Variants in CFTR observed in about 807,000 individuals in gnomAD.
CFTR encodes cystic fibrosis transmembrane conductance regulator.
In CFTR, 181 loss-of-function variants were observed where a neutral mutation model predicts 171.6. The observed-to-expected ratio is 1.05, with a 90% CI of 0.93 to 1.19. The LOEUF (loss-of-function observed/expected upper bound fraction) is 1.19. CFTR is among the 50% of genes most tolerant of loss of function. The pLI is 0.00. For missense variants in CFTR, 1,968 were observed against 1,734.7 expected (o/e 1.13, Z -2.39); for synonymous variants, 583 against 608.0 (o/e 0.96, Z 0.60).
At chr7:117,620,089 C>T (rs1489939510) in intron 21 of CFTR, among the ~76,000 whole-genome samples, 5 of 150,768 alleles carry the variant, frequency 3.3e-5, no homozygotes, top group African/African-American at 4.9e-5. Context: ...TTTTTTTGGT[C>T]TCCTTTTAAT....
At chr7:117,496,191 T>C (rs1282422462) in intron 1 of CFTR, among the ~76,000 whole-genome samples, 1 of 152,148 alleles carries the variant, frequency 6.6e-6, no homozygotes, top group Admixed American at 6.6e-5. Context: ...TTGTAGCGTG[T>C]ATCAGTGCAT....
At chr7:117,579,614 CAAAG>C (rs1323961469) in intron 11 of CFTR, among the ~76,000 whole-genome samples, 1 of 147,456 alleles carries the variant, frequency 6.8e-6, no homozygotes, top group African/African-American at 2.5e-5. Context: ...ACTAAATGAC[CAAAG>C]AGAGTCAAGA....
intron 24 of CFTR, among the ~76,000 whole-genome samples, chr7:117,660,955 C>G (rs1793269741): frequency 6.6e-6 from 1 of 152,108 alleles, no homozygotes; most frequent in Non-Finnish European, 1.5e-5. Flanking sequence ...ATTTAATAAA[C>G]TCTCATTAAG....
At chr7:117,657,474 A>C (rs564382895) in intron 24 of CFTR, among the ~76,000 whole-genome samples, 44 of 152,326 alleles carry the variant, frequency 2.9e-4, no homozygotes, top group Admixed American at 9.2e-4. Flanking sequence ...TGCTAGCAGC[A>C]TACAAACAAA....
chr7:117,613,339 A>G (rs1451391376), intron 20 of CFTR, among the ~76,000 whole-genome samples: 1 of 152,148 alleles, frequency 6.6e-6, no homozygotes, highest in African/African-American at 2.4e-5. Flanking sequence ...TTACCAATCA[A>G]ATCAGATGCT....
intron 21 of CFTR, among the ~76,000 whole-genome samples, chr7:117,618,465 A>T (rs976363653): frequency 6.7e-6 from 1 of 150,014 alleles, no homozygotes. Context: ...TGAGCAATAG[A>T]GGAGACTCCG....
chr7:117,563,234 T>C (rs1447000993), intron 11 of CFTR, among the ~76,000 whole-genome samples: 1 of 152,178 alleles, frequency 6.6e-6, no homozygotes, highest in African/African-American at 2.4e-5. Context: ...GCCTATTTTG[T>C]AGAGTCTTGT....
chr7:117,511,629 G>A (rs1449145466), intron 3 of CFTR, among the ~76,000 whole-genome samples: 1 of 152,192 alleles, frequency 6.6e-6, no homozygotes, highest in Admixed American at 6.5e-5. Flanking sequence ...AAGGCAGAGA[G>A]AAGAATATTT....
intron 17 of CFTR, among the ~76,000 whole-genome samples, chr7:117,605,795 G>T (rs1232234750): frequency 6.6e-6 from 1 of 152,156 alleles, no homozygotes; most frequent in Non-Finnish European, 1.5e-5. Flanking sequence ...AGCAGAGGAA[G>T]CTTGTACTAG....
At chr7:117,578,172 A>G (rs945194089) in intron 11 of CFTR, among the ~76,000 whole-genome samples, 2 of 151,942 alleles carry the variant, frequency 1.3e-5, no homozygotes, top group Non-Finnish European at 2.9e-5. Context: ...TGAACTATGC[A>G]GGTCCACTTA....
intron 10 of CFTR, among the ~76,000 whole-genome samples, chr7:117,550,329 C>CG (rs1799247263): frequency 1.5e-5 from 2 of 135,336 alleles, no homozygotes; most frequent in Non-Finnish European, 3.2e-5. Flanking sequence ...GTGATAGGCT[C>CG]AAAAAAAAAA....
chr7:117,485,549 A>G (rs188692172), intron 1 of CFTR, among the ~76,000 whole-genome samples: 61 of 152,322 alleles, frequency 4.0e-4, no homozygotes, highest in Non-Finnish European at 7.9e-4. Context: ...TGAAATTAGC[A>G]TTACAGAGTG....
intron 10 of CFTR, among the ~76,000 whole-genome samples, chr7:117,552,103 T>A (rs1799282399): frequency 6.6e-6 from 1 of 152,068 alleles, no homozygotes; most frequent in African/African-American, 2.4e-5. Context: ...TATGACACTA[T>A]ACATGATTTA....
chr7:117,565,779 AG>A (rs1367618331), intron 11 of CFTR, among the ~76,000 whole-genome samples: 2 of 152,204 alleles, frequency 1.3e-5, no homozygotes, highest in Non-Finnish European at 2.9e-5. Flanking sequence ...AGCCACTAGA[AG>A]AAAAAAATTG....
intron 4 of CFTR, 27 bp downstream of exon 4, chr7:117,531,141 G>T (rs1435110560): frequency 6.6e-7 from 1 of 1,518,332 alleles, no homozygotes; most frequent in Admixed American, 1.7e-5. Context: ...CAGGCCCCAT[G>T]GCACATATAT....
At chr7:117,540,450 A>G in intron 8 of CFTR, 104 bp downstream of exon 8, 1 of 1,096,754 alleles carries the variant, frequency 9.1e-7, no homozygotes, top group South Asian at 1.6e-5. Context: ...AGAAAAAGAA[A>G]TTTCCTTCAC....
At chr7:117,511,432 C>T (rs995775902) in intron 3 of CFTR, among the ~76,000 whole-genome samples, 3 of 152,136 alleles carry the variant, frequency 2.0e-5, no homozygotes, top group South Asian at 4.1e-4. Context: ...CCCTTCATGG[C>T]GTATTAATTA....
In CFTR at chr7:117,603,635, G is replaced by GGA. The variant is rs397508431; in HGVS notation, c.2763_2764dup (p.Val922GlufsTer2). The GGA allele has an allele frequency of 1.2e-6, 2 of 1,614,070 alleles. No individual in the cohort carries two copies. The highest frequency in any genetic ancestry group is 1.7e-6 in the Non-Finnish European group (2 of 1,179,952). Reference sequence around the variant, plus strand: ...GTATTATGTGTTTTACATTTACGTGGGAGTAGCCGACACTTTGCTTGCTAT... The same window carrying GGA: ...GTATTATGTGTTTTACATTTACGTGGGAGAGTAGCCGACACTTTGCTTGCTAT... On this transcript the variant is annotated frameshift_variant, in exon 17 of 27. Coordinates refer to ENST00000003084, the MANE Select transcript of CFTR (RefSeq NM_000492.4). LOFTEE classifies it high-confidence loss of function.
chr7:117,508,835 T>C (rs767732626), intron 2 of CFTR, among the ~76,000 whole-genome samples, 199 bp from the exon 3 acceptor site: 6 of 152,260 alleles, frequency 3.9e-5, no homozygotes, highest in Non-Finnish European at 7.3e-5. Context: ...TGCACAGTGA[T>C]ATATGGCAGA....
Sources: gnomAD v4.1 joint callset for allele counts (sites outside exome capture counted in the v4.1 genomes callset) on GRCh38, gnomAD v4.1.1 for gene constraint, MANE v1.5 for transcripts, NCBI Gene and HGNC (gene_info 2026-07-23, HGNC 2026-07-21) for gene names.